FADD: variants seen among roughly 807,000 people sequenced by gnomAD.
The protein encoded by FADD is FAS-associated death domain protein.
FADD carries 3 observed loss-of-function variants against 5.8 expected under a neutral mutation model. The observed-to-expected ratio is 0.52, with a 90% CI of 0.24 to 1.34. The LOEUF (loss-of-function observed/expected upper bound fraction) is 1.34. Ranked by LOEUF, FADD falls within the 40% of genes most tolerant of loss-of-function variation. FADD has a pLI of 0.17. For synonymous variants in FADD, 138 were observed against 130.8 expected (o/e 1.06, Z -0.38); for missense variants, 249 against 286.7 (o/e 0.87, Z 0.95).
At chr11:70,204,674 A>G (rs2049446419) in intron 1 of FADD, among the ~76,000 whole-genome samples, 1 of 152,220 alleles carries the variant, frequency 6.6e-6, no homozygotes, top group African/African-American at 2.4e-5. Flanking sequence ...GATGGACAGA[A>G]CAGCTCTCTG....
At chr11:70,204,054 C>G (rs1357297556) in intron 1 of FADD, among the ~76,000 whole-genome samples, 1 of 152,064 alleles carries the variant, frequency 6.6e-6, no homozygotes, top group Non-Finnish European at 1.5e-5. Context: ...GTTGGGTGAG[C>G]CTGCCTCGCA....
chr11:70,206,012 A>G (rs956252799), intron 1 of FADD, 121 bp from the exon 2 acceptor site: 1 of 837,248 alleles, frequency 1.2e-6, no homozygotes, highest in Non-Finnish European at 2.0e-6. Flanking sequence ...TCTACAGAGG[A>G]CCTCGTGTAG....
rs572559406 is a variant in FADD at position 70,203,645 on chromosome 11, C to G, written c.186C>G (p.Leu62=). The G allele has an allele frequency of 5.8e-5, 91 of 1,572,012 alleles. 2 individuals are homozygous for G. In the Admixed American group the frequency reaches 1.4e-3, roughly 24 times the overall value. The change falls in exon 1 of 2, where the codon CTC becomes CTG. Residue 62 remains leucine, a synonymous_variant. Coordinates refer to ENST00000301838, the MANE Select transcript of FADD (RefSeq NM_003824.4). Reference sequence around the variant, plus strand: ...ACCTGGAGCCCGGGCACACCGAGCTCCTGCGCGAGCTGCTCGCCTCCCTGC... The same window carrying G: ...ACCTGGAGCCCGGGCACACCGAGCTGCTGCGCGAGCTGCTCGCCTCCCTGC... ...QNDLEPGHTE[L]LRELLASLRR... is the part of the protein sequence containing the mutation.
chr11:70,206,852 G>A lies in FADD; in HGVS notation c.*379G>A, dbSNP rs2049465762. On this transcript the variant is annotated 3_prime_UTR_variant, in exon 2 of 2. Coordinates refer to ENST00000301838, the MANE Select transcript of FADD (RefSeq NM_003824.4). Reference sequence around the variant, plus strand: ...TCAGAGGCCCAGGAATCGGAGCGAAGCAGAGAGGTGGAGAACTGGGATTTG... The same window carrying A: ...TCAGAGGCCCAGGAATCGGAGCGAAACAGAGAGGTGGAGAACTGGGATTTG... 3.6e-6 allele frequency: 1 copy of A among 280,272 alleles called. No homozygotes were observed. The highest frequency in any genetic ancestry group is 3.8e-5 in the South Asian group (1 of 26,614). The allele number at this position is 280,272 out of a possible 1,614,324, so 17.4% of individuals were successfully genotyped here.
intron 1 of FADD, among the ~76,000 whole-genome samples, chr11:70,205,200 C>T (rs565900939): frequency 6.6e-6 from 1 of 152,178 alleles, no homozygotes; most frequent in Non-Finnish European, 1.5e-5. Flanking sequence ...CAAGCAGCAC[C>T]CTGTCCTGCC....
At chr11:70,205,165 C>T (rs369081568) in intron 1 of FADD, among the ~76,000 whole-genome samples, 3 of 152,204 alleles carry the variant, frequency 2.0e-5, no homozygotes, top group Admixed American at 6.5e-5. Context: ...CACCTGCCAA[C>T]GGTGTCTCAG....
At position 70,206,917 on chromosome 11, in the gene FADD, T is replaced by TGTG. The variant is rs1183400483; in HGVS notation, c.*446_*448dup. 3 of 215,718 alleles carry TGTG rather than the reference T, an allele frequency of 1.4e-5. No individual in the cohort carries two copies. Among genetic ancestry groups the TGTG allele is most frequent in the Non-Finnish European group, 2.9e-5 (3 of 105,074 alleles). The allele number at this position is 215,718 out of a possible 1,614,324, so 13.4% of individuals were successfully genotyped here. ...TTCACCAGAGCCCATGCTCAACCACTGTGGCGTTCTGCTGCCCCTGCAGTT... is the reference window on the plus strand; with the variant it reads ...TTCACCAGAGCCCATGCTCAACCACTGTGGTGGCGTTCTGCTGCCCCTGCAGTT... On this transcript the variant is annotated 3_prime_UTR_variant, in exon 2 of 2. Coordinates refer to ENST00000301838, the MANE Select transcript of FADD (RefSeq NM_003824.4).
At position 70,203,508 on chromosome 11, in the gene FADD, A is replaced by G. The variant is rs778767596; in HGVS notation, c.49A>G (p.Ser17Gly). ...GCACTCGGTGTCGTCCAGCCTGTCG[A>G]GCAGCGAGCTGACCGAGCTCAAGTT... ...LLHSVSSSLS[S>G]SELTELKFLC... Residue 17 changes from serine to glycine, a missense_variant, in exon 1 of 2, where the codon AGC (serine) becomes GGC (glycine). Coordinates refer to ENST00000301838, the MANE Select transcript of FADD (RefSeq NM_003824.4). The G allele has an allele frequency of 6.2e-7, 1 of 1,607,706 alleles. No individual in the cohort carries two copies. Among genetic ancestry groups the G allele is most frequent in the Non-Finnish European group, 8.5e-7 (1 of 1,177,620 alleles).
chr11:70,205,097 A>G (rs1180817523), intron 1 of FADD, among the ~76,000 whole-genome samples: 1 of 152,208 alleles, frequency 6.6e-6, no homozygotes, highest in Non-Finnish European at 1.5e-5. Context: ...CCTCATCTGT[A>G]CAGTCATGGT....
Position 70,206,452 on chromosome 11 carries a change from A to G in FADD, c.606A>G (p.Ala202=), listed in dbSNP as rs1296046646. ...CCCCGATGTCATGGAACTCAGACGCATCTACCTCCGAAGCGTCCTGATGGG... is the reference window on the plus strand; with the variant it reads ...CCCCGATGTCATGGAACTCAGACGCGTCTACCTCCGAAGCGTCCTGATGGG... ...AMSPMSWNSD[A]STSEAS The change falls in exon 2 of 2, where the codon GCA becomes GCG. Residue 202 remains alanine, a synonymous_variant. Coordinates refer to ENST00000301838, the MANE Select transcript of FADD (RefSeq NM_003824.4). 7 of 1,613,872 alleles carry G rather than the reference A, an allele frequency of 4.3e-6. No homozygotes were observed. Among genetic ancestry groups the G allele is most frequent in the Non-Finnish European group, 5.9e-6 (7 of 1,179,950 alleles).
rs1270718213 is a variant in FADD, at chr11:70,203,713, G to GGGC, written c.261_263dup (p.Ala88dup). On this transcript the variant is annotated inframe_insertion, in exon 1 of 2. Transcript: ENST00000301838. ...CGGCGCGTCGACGACTTCGAGGCGG[G>GGGC]GGCGGCGGCCGGGGCCGCGCCTGGG... The GGGC allele has an allele frequency of 6.9e-7, 1 of 1,439,036 alleles. No homozygotes were observed. The highest frequency in any genetic ancestry group is 9.1e-7 in the Non-Finnish European group (1 of 1,103,746). The allele number at this position is 1,439,036 out of a possible 1,614,324, so 89.1% of individuals were successfully genotyped here.
In FADD at chr11:70,203,539, G is replaced by C; in HGVS notation, c.80G>C (p.Cys27Ser). 1 of 1,611,966 alleles carries C rather than the reference G, an allele frequency of 6.2e-7. No homozygotes were observed. Among genetic ancestry groups the C allele is most frequent in the Non-Finnish European group, 8.5e-7 (1 of 1,179,450 alleles). ...GAGCTGACCGAGCTCAAGTTCCTAT[G>C]CCTCGGGCGCGTGGGCAAGCGCAAG... ...SSELTELKFL[C>S]LGRVGKRKLE... Residue 27 changes from cysteine (C) to serine (S), a missense_variant, in exon 1 of 2, where the codon TGC becomes TCC. Coordinates refer to ENST00000301838, the MANE Select transcript of FADD (RefSeq NM_003824.4).
intron 1 of FADD, 122 bp from the exon 2 acceptor site, chr11:70,206,011 G>C: frequency 1.2e-6 from 1 of 836,610 alleles, no homozygotes; most frequent in Non-Finnish European, 2.0e-6. Context: ...CTCTACAGAG[G>C]ACCTCGTGTA....
rs537272509 is a variant in FADD, at chr11:70,205,358, A to G, written c.287-775A>G. Among the ~76,000 whole-genome samples the G allele has an allele frequency of 1.8e-4, 27 of 152,244 alleles. No homozygotes were observed. The East Asian group carries it at 3.7e-3, about 21-fold the overall frequency. On this transcript the variant is annotated intron_variant, in intron 1 of 1. Transcript: ENST00000301838. ...ACTCGGGGCAGCTTTCTAAATAACA[A>G]TTGGAGTGCCTACTAGTTTCCTGTG... is the stretch of plus-strand genomic sequence containing the variant.
At chr11:70,205,047 G>C (rs998843892) in intron 1 of FADD, among the ~76,000 whole-genome samples, 1 of 152,156 alleles carries the variant, frequency 6.6e-6, no homozygotes, top group Non-Finnish European at 1.5e-5. Flanking sequence ...CTAGCTACAC[G>C]ATCTCAGGAA....
In FADD at chr11:70,206,283, G is replaced by A; in HGVS notation, c.437G>A (p.Arg146Lys). The A allele has an allele frequency of 6.2e-7, 1 of 1,614,214 alleles. No individual in the cohort carries two copies. Among genetic ancestry groups the A allele is most frequent in the Non-Finnish European group, 8.5e-7 (1 of 1,180,028 alleles). ...NLTERVRESL[R>K]IWKNTEKENA... ...ACAGAGCGTGTGCGGGAGTCACTGA[G>A]AATCTGGAAGAACACAGAGAAGGAG... Residue 146 changes from arginine (R) to lysine (K), a missense_variant, in exon 2 of 2, where the codon AGA (arginine) becomes AAA (lysine). By Grantham distance (26) the Arg-to-Lys change is conservative. Transcript: ENST00000301838.
At chr11:70,204,599 CAGAT>C (rs904478945) in intron 1 of FADD, among the ~76,000 whole-genome samples, 41 of 152,224 alleles carry the variant, frequency 2.7e-4, no homozygotes, top group African/African-American at 8.2e-4. Context: ...AGTCACCAAT[CAGAT>C]AGGGCCTAAA....
chr11:70,203,485 A>C lies in FADD; in HGVS notation c.26A>C (p.His9Pro). ...ATGGACCCGTTCCTGGTGCTGCTGC[A>C]CTCGGTGTCGTCCAGCCTGTCGAGC... is the stretch of plus-strand genomic sequence containing the variant. MDPFLVLL[H>P]SVSSSLSSSE... is the part of the protein sequence containing the mutation. Residue 9 changes from histidine to proline, a missense_variant, in exon 1 of 2, where the codon CAC (histidine) becomes CCC (proline). Coordinates refer to ENST00000301838, the MANE Select transcript of FADD (RefSeq NM_003824.4). 1 of 1,594,000 alleles carries C rather than the reference A, an allele frequency of 6.3e-7. No individual in the cohort carries two copies. Among genetic ancestry groups the C allele is most frequent in the Non-Finnish European group, 8.5e-7 (1 of 1,171,140 alleles).
chr11:70,206,218 C>G lies in FADD; in HGVS notation c.372C>G (p.Thr124=), dbSNP rs1281301732. Reference sequence around the variant, plus strand: ...CTCGTCAGCTCAAAGTCTCAGACACCAAGATCGACAGCATCGAGGACAGAT... The same window carrying G: ...CTCGTCAGCTCAAAGTCTCAGACACGAAGATCGACAGCATCGAGGACAGAT... ...RLARQLKVSD[T]KIDSIEDRYP... The change falls in exon 2 of 2, where the codon ACC becomes ACG. Residue 124 remains threonine, a synonymous_variant. Transcript: ENST00000301838. 2 of 1,614,126 alleles carry G rather than the reference C, an allele frequency of 1.2e-6. No individual in the cohort carries two copies. The highest frequency in any genetic ancestry group is 3.3e-5 in the Admixed American group (2 of 60,006).
Sources: gnomAD v4.1 joint callset for allele counts (sites outside exome capture counted in the v4.1 genomes callset) on GRCh38, gnomAD v4.1.1 for gene constraint, MANE v1.5 for transcripts, NCBI Gene and HGNC (gene_info 2026-07-23, HGNC 2026-07-21) for gene names.